CTNNA2: variants seen among roughly 807,000 people sequenced by gnomAD.
The protein encoded by CTNNA2 is catenin alpha-2.
Under a neutral mutation model 101.0 loss-of-function variants are expected in CTNNA2, and 42 were observed. That is an observed-to-expected ratio of 0.42 (90% CI 0.32 to 0.54). CTNNA2 has a LOEUF of 0.54. CTNNA2 is among the 20% of genes least tolerant of loss of function. The pLI is 0.14. For missense variants in CTNNA2, 871 were observed against 1,223.1 expected, an observed-to-expected ratio of 0.71 and a Z score of 4.29; for synonymous variants, 450 against 456.4, an observed-to-expected ratio of 0.99 and a Z score of 0.18.
At chr2:79,210,877 C>T (rs1417858015) in intron 2 of CTNNA2, among the ~76,000 whole-genome samples, 1 of 152,102 alleles carries the variant, frequency 6.6e-6, no homozygotes, top group Non-Finnish European at 1.5e-5. Flanking sequence ...AATTTTCTTC[C>T]CTCCAGTACA....
intron 7 of CTNNA2, among the ~76,000 whole-genome samples, chr2:80,067,951 G>A (rs1339768010): frequency 2.6e-5 from 4 of 152,180 alleles, no homozygotes; most frequent in Non-Finnish European, 4.4e-5. Flanking sequence ...CATCTTGACC[G>A]CAACCTGATG....
intron 7 of CTNNA2, among the ~76,000 whole-genome samples, chr2:79,989,791 C>A (rs963798503): frequency 2.6e-5 from 4 of 152,178 alleles, no homozygotes; most frequent in African/African-American, 7.2e-5. Flanking sequence ...CAGATCAAAT[C>A]TCTCTCCTGA....
chr2:79,899,066 C>A (rs2117289), intron 6 of CTNNA2, among the ~76,000 whole-genome samples: 2 of 151,754 alleles, frequency 1.3e-5, no homozygotes, highest in Non-Finnish European at 2.9e-5. Context: ...ACTTAGTCAG[C>A]GGGTGGTAAA....
intron 1 of CTNNA2, among the ~76,000 whole-genome samples, chr2:79,561,948 A>G (rs568902613): frequency 8.6e-5 from 13 of 151,982 alleles, no homozygotes; most frequent in Admixed American, 1.3e-4. Context: ...GAAGCACAAA[A>G]GTTTTTAATT....
At chr2:79,846,352 A>C (rs1171731111) in intron 3 of CTNNA2, among the ~76,000 whole-genome samples, 1 of 152,226 alleles carries the variant, frequency 6.6e-6, no homozygotes, top group Non-Finnish European at 1.5e-5. Flanking sequence ...GTAGTCTATA[A>C]GATGCAAATT....
intron 9 of CTNNA2, among the ~76,000 whole-genome samples, chr2:80,523,298 A>G (rs186459262): frequency 1.3e-5 from 2 of 152,308 alleles, no homozygotes; most frequent in Admixed American, 6.5e-5. Flanking sequence ...GGCTGAGTAA[A>G]TATGAAGTCG....
intron 1 of CTNNA2, among the ~76,000 whole-genome samples, chr2:79,553,819 C>CGA (rs1674271001): frequency 6.6e-6 from 1 of 152,098 alleles, no homozygotes; most frequent in South Asian, 2.1e-4. Context: ...CAAATACAAA[C>CGA]CATAAAATAG....
At chr2:79,651,777 C>G (rs1681272498) in intron 2 of CTNNA2, 119 bp downstream of exon 2, 1 of 815,150 alleles carries the variant, frequency 1.2e-6, no homozygotes, top group East Asian at 2.6e-5. Context: ...ATTCCGATTA[C>G]TGAATATATA....
intron 2 of CTNNA2, among the ~76,000 whole-genome samples, chr2:79,281,930 A>T (rs972257820): frequency 2.0e-5 from 3 of 152,198 alleles, no homozygotes; most frequent in African/African-American, 7.2e-5. Flanking sequence ...AAATTTTTAC[A>T]TGAATATTTC....
At chr2:80,386,743 A>G (rs958746825) in intron 7 of CTNNA2, among the ~76,000 whole-genome samples, 4 of 152,228 alleles carry the variant, frequency 2.6e-5, no homozygotes, top group African/African-American at 9.6e-5. Context: ...TAAAACATCT[A>G]ATATATTACA....
At chr2:80,633,365 A>T (rs533866885) in intron 18 of CTNNA2, among the ~76,000 whole-genome samples, 153 of 152,318 alleles carry the variant, frequency 1.0e-3, no homozygotes, top group African/African-American at 3.5e-3. Flanking sequence ...AAAGTGGAAG[A>T]TGATGTTCCC....
In CTNNA2 at chr2:80,365,040, C is replaced by T. The variant is rs117458360; in HGVS notation, c.1057-28171C>T. On this transcript the variant is annotated intron_variant, in intron 7 of 18. Transcript: ENST00000402739. ...TCTGTGGGGTTTGGCCTTCATGTAACATCACTTCTTTCTTTTTATCTACAT... is the reference window on the plus strand; with the variant it reads ...TCTGTGGGGTTTGGCCTTCATGTAATATCACTTCTTTCTTTTTATCTACAT... Among the ~76,000 whole-genome samples the T allele has an allele frequency of 6.5e-4, 99 of 152,240 alleles. No homozygotes were observed. In the East Asian group the frequency reaches 0.017, roughly 26 times the overall value.
intron 7 of CTNNA2, among the ~76,000 whole-genome samples, chr2:80,114,567 G>A (rs563175175): frequency 1.3e-5 from 2 of 152,242 alleles, no homozygotes; most frequent in Admixed American, 6.5e-5. Flanking sequence ...AAAAAATAAA[G>A]AAGCAGCAAA....
At chr2:80,158,787 T>C (rs1185564684) in intron 7 of CTNNA2, among the ~76,000 whole-genome samples, 1 of 152,064 alleles carries the variant, frequency 6.6e-6, no homozygotes, top group Non-Finnish European at 1.5e-5. Flanking sequence ...GGCGGGTGCC[T>C]GTAGTCCCAG....
At chr2:80,409,643 T>G (rs1422258705) in intron 8 of CTNNA2, among the ~76,000 whole-genome samples, 2 of 152,200 alleles carry the variant, frequency 1.3e-5, no homozygotes, top group Non-Finnish European at 2.9e-5. Flanking sequence ...TGAGTACAGT[T>G]TAGTAAAGTA....
rs544121925 is a variant in CTNNA2 at position 79,479,327 on chromosome 2, T to C, written c.-134-25727T>C. On this transcript the variant is annotated intron_variant, in intron 4 of 21. Coordinates refer to the CTNNA2 transcript ENST00000466387. ...CCTTCCTCAAAATGTCCTTTTTACTTCACAATGCACCCGCTAACCCTCTTT... is the reference window on the plus strand; with the variant it reads ...CCTTCCTCAAAATGTCCTTTTTACTCCACAATGCACCCGCTAACCCTCTTT... Among the ~76,000 whole-genome samples, 329 of 152,294 alleles carry C rather than the reference T, an allele frequency of 2.2e-3. 1 individual carries two copies. The highest frequency in any genetic ancestry group is 3.5e-3 in the Non-Finnish European group (236 of 68,022).
intron 7 of CTNNA2, among the ~76,000 whole-genome samples, chr2:80,315,243 A>T (rs1008522524): frequency 6.6e-6 from 1 of 152,216 alleles, no homozygotes; most frequent in Non-Finnish European, 1.5e-5. Flanking sequence ...TAGAGGCTGC[A>T]TAAAAAGCAA....
At chr2:79,412,101 T>C (rs1678419854) in intron 4 of CTNNA2, among the ~76,000 whole-genome samples, 1 of 151,992 alleles carries the variant, frequency 6.6e-6, no homozygotes, top group South Asian at 2.1e-4. Flanking sequence ...AATCCTAGTC[T>C]CTGATAAAAC....
intron 3 of CTNNA2, among the ~76,000 whole-genome samples, chr2:79,327,120 A>C (rs940289584): frequency 6.6e-6 from 1 of 152,206 alleles, no homozygotes; most frequent in Non-Finnish European, 1.5e-5. Flanking sequence ...TCAGGACATC[A>C]ATTTCAGGGA....
Sources: gnomAD v4.1 joint callset for allele counts (sites outside exome capture counted in the v4.1 genomes callset) on GRCh38, gnomAD v4.1.1 for gene constraint, MANE v1.5 for transcripts, NCBI Gene and HGNC (gene_info 2026-07-23, HGNC 2026-07-21) for gene names.